CTSZ: variants seen among roughly 807,000 people sequenced by gnomAD.
CTSZ encodes cathepsin Z, also known as carboxypeptidase LB.
In CTSZ, 39 loss-of-function variants were observed where a neutral mutation model predicts 32.4. The observed-to-expected ratio is 1.20, with a 90% CI of 0.93 to 1.57. The LOEUF (loss-of-function observed/expected upper bound fraction) is 1.57. CTSZ is among the 40% of genes most tolerant of loss of function. CTSZ has a pLI of 0.00. For missense variants in CTSZ, 397 were observed against 419.6 expected (o/e 0.95, Z 0.47); for synonymous variants, 168 against 170.1 (o/e 0.99, Z 0.10).
At position 58,995,355 on chromosome 20, in the gene CTSZ, T is replaced by C. The variant is rs2091852335; in HGVS notation, c.*294A>G. ...GCCCACAGTTGCCAAATACAAAATATCAAGTCCTCTGCTGAAGAAGACTGA... is the reference window on the plus strand; with the variant it reads ...GCCCACAGTTGCCAAATACAAAATACCAAGTCCTCTGCTGAAGAAGACTGA... On this transcript the variant is annotated 3_prime_UTR_variant, in exon 6 of 6. Transcript: ENST00000217131. 3.8e-6 allele frequency: 1 copy of C among 260,988 alleles called. No individual in the cohort carries two copies. 16.2% of individuals were successfully genotyped at this position (260,988 alleles called of 1,614,324 possible). A position where few individuals can be genotyped will look rare whatever the true frequency, so the allele number is the denominator to read the frequency against.
intron 5 of CTSZ, 180 bp downstream of exon 5, chr20:58,996,459 C>T (rs564687965): frequency 1.2e-5 from 8 of 646,286 alleles, no homozygotes; most frequent in Admixed American, 7.9e-5. Flanking sequence ...GCGGCAGCCG[C>T]GCATGTCAGA....
chr20:59,004,010 T>C lies in CTSZ; in HGVS notation c.307+2312A>G, dbSNP rs189461474. ...TAGACCTGGAGGAGGCGGTGGGCGG[T>C]GCGTGATTTCTGCATCTGCTTCGAA... On this transcript the variant is annotated intron_variant, in intron 2 of 5. Coordinates refer to ENST00000217131, the MANE Select transcript of CTSZ (RefSeq NM_001336.4). This position sits in a 1 kb window ranked among gnomAD's most constrained non-coding sequence, Gnocchi z 5.6. 6.8e-3 allele frequency among the ~76,000 whole-genome samples: 1,029 copies of C among 151,870 alleles called. 13 individuals are homozygous for C. Among genetic ancestry groups the C allele is most frequent in the African/African-American group, 0.024 (989 of 41,414 alleles).
intron 3 of CTSZ, among the ~76,000 whole-genome samples, chr20:58,999,263 T>G: frequency 6.6e-6 from 1 of 152,146 alleles, no homozygotes. Context: ...CTCGAACTCC[T>G]GGTCTCAAGT....
Position 58,997,693 on chromosome 20 carries a change from C to A in CTSZ, c.548G>T (p.Arg183Leu). 1 of 1,608,050 alleles carries A rather than the reference C, an allele frequency of 6.2e-7. No homozygotes were observed. The highest frequency in any genetic ancestry group is 8.5e-7 in the Non-Finnish European group (1 of 1,177,230). ...CNEFKECHAI[R>L]NYTLWRVGDY... is the part of the protein sequence containing the mutation. ...TCCCACCCTCCAGAGGGTGTAGTTC[C>A]GGATGGCGTGGCACTCTTTGAATTC... is the stretch of plus-strand genomic sequence containing the variant. The change falls in exon 4 of 6, where the codon CGG becomes CTG. Residue 183 changes from arginine (R) to leucine (L), a missense_variant. Coordinates refer to ENST00000217131, the MANE Select transcript of CTSZ (RefSeq NM_001336.4).
rs1267080095 is a variant in CTSZ at position 58,996,467 on chromosome 20, A to G, written c.801+172T>C. 2.2e-5 allele frequency: 15 copies of G among 679,362 alleles called. No homozygotes were observed. In the East Asian group the frequency reaches 3.9e-4, roughly 17 times the overall value. The allele number at this position is 679,362 out of a possible 1,614,324, so 42.1% of individuals were successfully genotyped here. A position where few individuals can be genotyped will look rare whatever the true frequency, so the allele number is the denominator to read the frequency against. On this transcript the variant is annotated intron_variant, in intron 5 of 5. Coordinates refer to ENST00000217131, the MANE Select transcript of CTSZ (RefSeq NM_001336.4). ...CAGGATGGCGGCAGCCGCGCATGTCAGAGAAGGGTCTGGCCCCAAAAGCCA... is the reference window on the plus strand; with the variant it reads ...CAGGATGGCGGCAGCCGCGCATGTCGGAGAAGGGTCTGGCCCCAAAAGCCA...
In CTSZ at chr20:58,997,538, T is replaced by C. The variant is rs866876185; in HGVS notation, c.638+65A>G. The C allele has an allele frequency of 2.8e-5, 41 of 1,446,122 alleles. No homozygotes were observed. The Middle Eastern group carries it at 2.9e-3, about 101-fold the overall frequency. The allele number at this position is 1,446,122 out of a possible 1,614,324, so 89.6% of individuals were successfully genotyped here. On this transcript the variant is annotated intron_variant, in intron 4 of 5. Transcript: ENST00000217131. Reference sequence around the variant, plus strand: ...CGGATCTCTCCTCACCCGCGGGACCTTTCCTCACCCGCGGGACCTTTCCTC... The same window carrying C: ...CGGATCTCTCCTCACCCGCGGGACCCTTCCTCACCCGCGGGACCTTTCCTC...
chr20:59,001,352 G>A lies in CTSZ; in HGVS notation c.487+113C>T. On this transcript the variant is annotated intron_variant, in intron 3 of 5. Coordinates refer to ENST00000217131, the MANE Select transcript of CTSZ (RefSeq NM_001336.4). ...ACCTCTGCCCTCCCGCAGCTCCCCAGCCACCAGCCAATGTGAGGAGCACGG... is the reference window on the plus strand; with the variant it reads ...ACCTCTGCCCTCCCGCAGCTCCCCAACCACCAGCCAATGTGAGGAGCACGG... 13 of 1,268,606 alleles carry A rather than the reference G, an allele frequency of 1.0e-5. No homozygotes were observed. The South Asian group carries it at 2.0e-4, about 19-fold the overall frequency. 78.6% of individuals were successfully genotyped at this position (1,268,606 alleles called of 1,614,324 possible).
rs919570731 is a variant in CTSZ at position 59,001,471 on chromosome 20, C to G, written c.481G>C (p.Asp161His). ...GGCACGGGCAGCAGCCTACCCTGGT[C>G]CTTGGCCTGGTAGTTGTTGCAGGTC... ...DETCNNYQAK[D>H]QECDKFNQCG... Residue 161 changes from aspartate to histidine, a missense_variant, in exon 3 of 6, where the codon GAC becomes CAC. Asp to His is a moderately conservative substitution (Grantham distance 81). Transcript: ENST00000217131. 5 of 1,611,408 alleles carry G rather than the reference C, an allele frequency of 3.1e-6. No homozygotes were observed. Among genetic ancestry groups the G allele is most frequent in the Admixed American group, 3.3e-5 (2 of 59,858 alleles).
intron 3 of CTSZ, 116 bp from the exon 4 acceptor site, chr20:58,997,869 G>A (rs1294364875): frequency 1.1e-6 from 1 of 918,944 alleles, no homozygotes; most frequent in Non-Finnish European, 1.5e-6. Flanking sequence ...CAGCAGCTAA[G>A]AACGGAAATC....
At chr20:58,997,511 C>A in intron 4 of CTSZ, 92 bp downstream of exon 4, 1 of 1,307,696 alleles carries the variant, frequency 7.6e-7, no homozygotes, top group Non-Finnish European at 1.0e-6. Flanking sequence ...GCGCTGTCAC[C>A]GCGGATCTCT....
At chr20:59,006,116 C>T in intron 2 of CTSZ, 1 of 610,630 alleles carries the variant, frequency 1.6e-6, no homozygotes, top group Non-Finnish European at 2.8e-6. Context: ...CCTAGTCCTG[C>T]CTGTCACCCA....
In CTSZ at chr20:58,995,491, C is replaced by T; in HGVS notation, c.*158G>A. On this transcript the variant is annotated 3_prime_UTR_variant, in exon 6 of 6. Transcript: ENST00000217131. ...GTCATAAGTCATCCCACTTTCAACT[C>T]TCAGGAACACTCGCAGCCAGTGCCA... 8.1e-6 allele frequency: 5 copies of T among 619,726 alleles called. No individual in the cohort carries two copies. The highest frequency in any genetic ancestry group is 4.1e-5 in the South Asian group (2 of 48,416). The allele number at this position is 619,726 out of a possible 1,614,324, so 38.4% of individuals were successfully genotyped here.
intron 3 of CTSZ, 102 bp from the exon 4 acceptor site, chr20:58,997,855 C>A: frequency 9.7e-7 from 1 of 1,036,164 alleles, no homozygotes; most frequent in Non-Finnish European, 1.4e-6. Flanking sequence ...TGCAGCCTAC[C>A]ACTCAGCAGC....
At position 59,001,536 on chromosome 20, in the gene CTSZ, G is replaced by GACAGGTCATTACCCCCTTC; in HGVS notation, c.397_415dup (p.Ser139Ter). The GACAGGTCATTACCCCCTTC allele has an allele frequency of 3.1e-6, 5 of 1,614,210 alleles. No homozygotes were observed. The highest frequency in any genetic ancestry group is 4.2e-6 in the Non-Finnish European group (5 of 1,180,012). ...GTGCTGGTGGGCGTAGTCCCACACG[G>GACAGGTCATTACCCCCTTC]ACAGGTCATTACCCCCTTCACAGGA... On this transcript the variant is annotated stop_gained and frameshift_variant, in exon 3 of 6. Transcript: ENST00000217131. LOFTEE classifies it high-confidence loss of function.
Position 59,007,080 on chromosome 20 carries a change from G to A in CTSZ, c.49C>T (p.Leu17=). Residue 17 remains leucine, a synonymous_variant, in exon 1 of 6, where the codon CTG becomes TTG. Transcript: ENST00000217131. Reference sequence around the variant, plus strand: ...AGGCCGCCCTGCGCCGCGCCCGCCAGCAGCACGAGCAGCAGAAGCGGCCGC... The same window carrying A: ...AGGCCGCCCTGCGCCGCGCCCGCCAACAGCACGAGCAGCAGAAGCGGCCGC... ...GWRPLLLLVL[L]AGAAQGGLYF... is the part of the protein sequence containing the mutation. 1 of 1,456,450 alleles carries A rather than the reference G, an allele frequency of 6.9e-7. No individual in the cohort carries two copies. Among genetic ancestry groups the A allele is most frequent in the Non-Finnish European group, 9.0e-7 (1 of 1,109,768 alleles). 90.2% of individuals were successfully genotyped at this position (1,456,450 alleles called of 1,614,324 possible).
In CTSZ at chr20:59,000,737, C is replaced by T. The variant is rs184071428; in HGVS notation, c.487+728G>A. Among the ~76,000 whole-genome samples, 53 of 152,218 alleles carry T rather than the reference C, an allele frequency of 3.5e-4. 1 individual carries two copies. The East Asian group carries it at 0.01, about 29-fold the overall frequency. The stretch of plus-strand genomic sequence containing the variant: ...AAAAGCCACCAAAATGCCAGCATGT[C>T]AGAACTCAAACACCACATTCAGGCC... On this transcript the variant is annotated intron_variant, in intron 3 of 5. Transcript: ENST00000217131.
In CTSZ at chr20:59,002,061, A is replaced by C. The variant is rs163793; in HGVS notation, c.308-417T>G. ...AGAGACCGTCCCTGCCCTCGTGGAC[A>C]GGGGGCCAAGGTGTCAGCTCTGTGA... On this transcript the variant is annotated intron_variant, in intron 2 of 5. Coordinates refer to ENST00000217131, the MANE Select transcript of CTSZ (RefSeq NM_001336.4). The surrounding 1 kb of genome is among the most constrained non-coding windows in gnomAD (Gnocchi z 4.1). 3.3e-5 allele frequency among the ~76,000 whole-genome samples: 5 copies of C among 152,140 alleles called. No homozygotes were observed. The highest frequency in any genetic ancestry group is 1.2e-4 in the African/African-American group (5 of 41,444).
chr20:59,002,768 C>T lies in CTSZ; in HGVS notation c.308-1124G>A, dbSNP rs974869308. Among the ~76,000 whole-genome samples the T allele has an allele frequency of 5.3e-5, 8 of 152,126 alleles. No homozygotes were observed. Among genetic ancestry groups the T allele is most frequent in the Middle Eastern group, 3.2e-3 (1 of 316 alleles). On this transcript the variant is annotated intron_variant, in intron 2 of 5. Transcript: ENST00000217131. The surrounding 1 kb of genome is among the most constrained non-coding windows in gnomAD (Gnocchi z 4.1). ...CCCCAAACCCTCTTCCTGGAGCAGC[C>T]GGTGGCTGGTTTGTCCCCTCCCACC...
intron 1 of CTSZ, 84 bp from the exon 2 acceptor site, chr20:59,006,569 G>A (rs756802063): frequency 9.1e-6 from 13 of 1,423,972 alleles, no homozygotes; most frequent in Non-Finnish European, 1.2e-5. Flanking sequence ...GGGCCCTCCC[G>A]CCTTTCCCAA....
Sources: gnomAD v4.1 joint callset for allele counts (sites outside exome capture counted in the v4.1 genomes callset) on GRCh38, gnomAD v4.1.1 for gene constraint, Gnocchi (gnomAD v3.1) non-coding constraint, MANE v1.5 for transcripts, NCBI Gene and HGNC (gene_info 2026-07-23, HGNC 2026-07-21) for gene names.